Variants in TEX35 observed in about 807,000 individuals in gnomAD.
TEX35 encodes testis-expressed protein 35.
TEX35 carries 26 observed loss-of-function variants against 31.9 expected under a neutral mutation model. The observed-to-expected ratio is 0.81, with a 90% CI of 0.60 to 1.13. The LOEUF (loss-of-function observed/expected upper bound fraction) is 1.13. Among genes scored for constraint, TEX35 ranks in the 50% most tolerant of loss-of-function variants. The pLI is 0.00. For synonymous variants in TEX35, 87 were observed against 90.7 expected (o/e 0.96, Z 0.23); for missense variants, 278 against 273.5 (o/e 1.02, Z -0.12).
chr1:178,513,286 A>G (rs1307261198), intron 1 of TEX35, 59 bp downstream of exon 1: 1 of 1,604,378 alleles, frequency 6.2e-7, no homozygotes, highest in Admixed American at 1.7e-5. Context: ...CTGAATGGAG[A>G]TGGTGTCGGG....
At chr1:178,514,283 C>A in intron 2 of TEX35, 1 of 1,464,086 alleles carries the variant, frequency 6.8e-7, no homozygotes, top group Non-Finnish European at 9.1e-7. Context: ...GCAGTGTTAC[C>A]TGCTCTGCTG....
chr1:178,522,285 C>T, intron 8 of TEX35, 40 bp from the exon 9 acceptor site: 1 of 1,535,024 alleles, frequency 6.5e-7, no homozygotes, highest in South Asian at 1.2e-5. Flanking sequence ...ACCCTTCTCA[C>T]CCCCTTGAAG....
chr1:178,522,392 T>G lies in TEX35; in HGVS notation c.654T>G (p.Ser218=). The change falls in exon 9 of 9, where the codon TCT becomes TCG. Residue 218 remains serine, a synonymous_variant. Coordinates refer to ENST00000319416, the MANE Select transcript of TEX35 (RefSeq NM_032126.5). ...GGEEPVTTQP[S]VGHAVPAPKS... is the part of the protein sequence containing the mutation. ...AGGAGCCAGTGACCACCCAACCTTC[T>G]GTGGGCCACGCTGTGCCTGCCCCAA... The G allele has an allele frequency of 1.2e-6, 2 of 1,606,106 alleles. No homozygotes were observed. The highest frequency in any genetic ancestry group is 1.7e-6 in the Non-Finnish European group (2 of 1,175,984).
intron 1 of TEX35, 167 bp downstream of exon 1, chr1:178,513,394 T>G: frequency 1.1e-6 from 1 of 925,448 alleles, no homozygotes; most frequent in Non-Finnish European, 1.7e-6. Context: ...GTGGGATTAA[T>G]CCCTAGCCTT....
intron 6 of TEX35, 59 bp downstream of exon 6, chr1:178,520,495 G>A: frequency 6.2e-7 from 1 of 1,613,890 alleles, no homozygotes; most frequent in Non-Finnish European, 8.5e-7. Flanking sequence ...CCTTCCCTTT[G>A]TTGGATCCCT....
At chr1:178,516,526 C>A in intron 4 of TEX35, 89 bp from the exon 5 acceptor site, 1 of 1,109,958 alleles carries the variant, frequency 9.0e-7, no homozygotes, top group East Asian at 2.4e-5. Context: ...GCAGCCACTG[C>A]CCTTTGCTTA....
chr1:178,521,484 C>G (rs1441071296), intron 8 of TEX35: 4 of 1,049,450 alleles, frequency 3.8e-6, no homozygotes, highest in Non-Finnish European at 5.8e-6. Flanking sequence ...GCCTGGGGCT[C>G]CCATGGTGGG....
chr1:178,520,530 T>A (rs1393459004), intron 6 of TEX35, 94 bp downstream of exon 6: 2 of 1,608,988 alleles, frequency 1.2e-6, no homozygotes, highest in East Asian at 4.5e-5. Flanking sequence ...ACACCCAGAC[T>A]CTTGGAGGAG....
Position 178,522,488 on chromosome 1 carries a change from CAG to C in TEX35, c.*49_*50del. 6.5e-7 allele frequency: 1 copy of C among 1,534,082 alleles called. No individual in the cohort carries two copies. The highest frequency in any genetic ancestry group is 8.8e-7 in the Non-Finnish European group (1 of 1,133,664). ...GAGAGTAAAGAAGATACAGAGCAAA[CAG>C]TGTTTCAGAAACTGTCCTGCCCTGG... On this transcript the variant is annotated 3_prime_UTR_variant, in exon 9 of 9. Coordinates refer to ENST00000319416, the MANE Select transcript of TEX35 (RefSeq NM_032126.5).
chr1:178,522,137 G>T, intron 8 of TEX35, 188 bp from the exon 9 acceptor site: 1 of 803,684 alleles, frequency 1.2e-6, no homozygotes, highest in Non-Finnish European at 1.9e-6. Context: ...ATGGGGCCAG[G>T]GTGTCTTGGG....
chr1:178,515,960 T>C, intron 4 of TEX35, 45 bp downstream of exon 4: 2 of 1,469,748 alleles, frequency 1.4e-6, no homozygotes, highest in Non-Finnish European at 1.9e-6. Flanking sequence ...AAGTGTAGCT[T>C]CAGGAAAAAT....
chr1:178,519,216 T>G (rs1650182241), intron 5 of TEX35, among the ~76,000 whole-genome samples: 1 of 152,068 alleles, frequency 6.6e-6, no homozygotes, highest in African/African-American at 2.4e-5. Context: ...GAGATAAATC[T>G]GAAAGATGCA....
At chr1:178,514,205 G>C (rs767101696) in intron 2 of TEX35, 128 bp downstream of exon 2, 2 of 1,577,728 alleles carry the variant, frequency 1.3e-6, no homozygotes, top group Non-Finnish European at 1.7e-6. Context: ...GATGCACTGA[G>C]AGTTCTTGCT....
At chr1:178,514,460 G>A (rs529584435) in intron 2 of TEX35, among the ~76,000 whole-genome samples, 2 of 152,346 alleles carry the variant, frequency 1.3e-5, no homozygotes, top group Non-Finnish European at 2.9e-5. Flanking sequence ...AGGTGGGAAT[G>A]AGCCTGGCTG....
Position 178,514,762 on chromosome 1 carries a change from C to T in TEX35, c.153C>T (p.Asp51=). 6 of 1,613,506 alleles carry T rather than the reference C, an allele frequency of 3.7e-6. No individual in the cohort carries two copies. The highest frequency in any genetic ancestry group is 5.1e-6 in the Non-Finnish European group (6 of 1,179,724). The part of the protein sequence containing the change: ...GRFTKAGVTQ[D]LKNELREVRE... Reference sequence around the variant, plus strand: ...TTACCAAAGCAGGAGTGACACAGGACCTAAAGGTGAGTGCGTGAACTTGGA... The same window carrying T: ...TTACCAAAGCAGGAGTGACACAGGATCTAAAGGTGAGTGCGTGAACTTGGA... The change falls in exon 3 of 9, where the codon GAC becomes GAT. Residue 51 remains aspartate, a synonymous_variant. Transcript: ENST00000319416.
Position 178,522,597 on chromosome 1 carries a change from A to G in TEX35, c.*157A>G. 5.3e-6 allele frequency: 7 copies of G among 1,320,194 alleles called. No individual in the cohort carries two copies. The highest frequency in any genetic ancestry group is 6.8e-6 in the Non-Finnish European group (7 of 1,033,908). The allele number at this position is 1,320,194 out of a possible 1,614,324, so 81.8% of individuals were successfully genotyped here. Reference sequence around the variant, plus strand: ...TTTCACACCAGTTCCTCCTTGTTTCATCTCTTTGCTAAGCTGGCTGCTTCT... The same window carrying G: ...TTTCACACCAGTTCCTCCTTGTTTCGTCTCTTTGCTAAGCTGGCTGCTTCT... On this transcript the variant is annotated 3_prime_UTR_variant, in exon 9 of 9. Coordinates refer to ENST00000319416, the MANE Select transcript of TEX35 (RefSeq NM_032126.5).
Position 178,521,639 on chromosome 1 carries a change from C to T in TEX35, c.586+375C>T, listed in dbSNP as rs2101898612. 4 of 1,552,190 alleles carry T rather than the reference C, an allele frequency of 2.6e-6. 1 individual carries two copies. In the East Asian group the frequency reaches 7.3e-5, roughly 28 times the overall value. On this transcript the variant is annotated intron_variant, in intron 8 of 8. Coordinates refer to ENST00000319416, the MANE Select transcript of TEX35 (RefSeq NM_032126.5). ...CCTTCTGATTTATCTGTACCTCAACCCCGGTGACATCGAATATGTGTTTCC... is the reference window on the plus strand; with the variant it reads ...CCTTCTGATTTATCTGTACCTCAACTCCGGTGACATCGAATATGTGTTTCC...
intron 5 of TEX35, among the ~76,000 whole-genome samples, chr1:178,518,455 C>T (rs1650156783): frequency 6.6e-6 from 1 of 151,838 alleles, no homozygotes; most frequent in Non-Finnish European, 1.5e-5. Context: ...TGGAAACGAC[C>T]TCAATTTTCA....
In TEX35 at chr1:178,520,753, A is replaced by G. The variant is rs1279828353; in HGVS notation, c.422A>G (p.Lys141Arg). The stretch of plus-strand genomic sequence containing the variant: ...CACAGAGAACCACAGCTCAGGCCCA[A>G]GAAAATGGATGGAGCCAGTGGAGTC... ...KTHREPQLRP[K>R]KMDGASGVNG... is the part of the protein sequence containing the mutation. Residue 141 changes from lysine to arginine, a missense_variant, in exon 7 of 9, where the codon AAG becomes AGG. Physicochemically the swap from Lys to Arg is conservative, Grantham distance 26. Transcript: ENST00000319416. 2 of 1,614,066 alleles carry G rather than the reference A, an allele frequency of 1.2e-6. No homozygotes were observed. Among genetic ancestry groups the G allele is most frequent in the Admixed American group, 1.7e-5 (1 of 60,008 alleles).
Sources: allele counts gnomAD v4.1 joint callset (sites outside exome capture counted in the v4.1 genomes callset), GRCh38; gene constraint gnomAD v4.1.1; transcripts MANE v1.5; gene names NCBI Gene and HGNC (gene_info 2026-07-23, HGNC 2026-07-21).